OVCH1: variants seen among roughly 807,000 people sequenced by gnomAD.
OVCH1 encodes ovochymase 1.
OVCH1 carries 139 observed loss-of-function variants against 138.4 expected under a neutral mutation model. The observed-to-expected ratio is 1.00, with a 90% CI of 0.87 to 1.16. The LOEUF is 1.16. Among genes scored for constraint, OVCH1 ranks in the 50% most tolerant of loss-of-function variants. The pLI, the probability that OVCH1 is intolerant of heterozygous loss-of-function variation, is 0.00. For synonymous variants in OVCH1, 453 were observed against 467.8 expected (o/e 0.97, Z 0.41); for missense variants, 1,367 against 1,357.9 (o/e 1.01, Z -0.11).
chr12:29,449,223 T>C (rs1051395060), intron 22 of OVCH1, among the ~76,000 whole-genome samples: 1 of 149,774 alleles, frequency 6.7e-6, no homozygotes, highest in African/African-American at 2.5e-5. Flanking sequence ...CATTCTGGCA[T>C]GGTTCCACTA....
intron 22 of OVCH1, among the ~76,000 whole-genome samples, chr12:29,447,658 A>G (rs1390168372): frequency 6.6e-6 from 1 of 152,164 alleles, no homozygotes; most frequent in African/African-American, 2.4e-5. Context: ...AATGAAAGCC[A>G]ATGTAACAGA....
chr12:29,417,429 C>T (rs1941044865), intron 3 of OVCH1, among the ~76,000 whole-genome samples: 1 of 135,306 alleles, frequency 7.4e-6, no homozygotes, highest in Admixed American at 8.5e-5. Flanking sequence ...TGCCACTGCA[C>T]TCCAGCCTGG....
intron 25 of OVCH1, among the ~76,000 whole-genome samples, chr12:29,441,806 G>T (rs1481999914): frequency 6.6e-6 from 1 of 152,066 alleles, no homozygotes; most frequent in African/African-American, 2.4e-5. Flanking sequence ...CAAAAAATGG[G>T]CAAAGGACAT....
chr12:29,477,565 G>T, exon 10 of OVCH1: 1 of 1,613,788 alleles, frequency 6.2e-7, no homozygotes. Context: ...CGTCTTCCAT[G>T]AGAGATCTCT....
intron 22 of OVCH1, among the ~76,000 whole-genome samples, chr12:29,446,341 G>A (rs1032726622): frequency 6.6e-6 from 1 of 152,080 alleles, no homozygotes; most frequent in Admixed American, 6.6e-5. Flanking sequence ...ATACAATGGT[G>A]AAATACTATT....
intron 27 of OVCH1, among the ~76,000 whole-genome samples, chr12:29,431,572 A>G (rs900024662): frequency 9.6e-6 from 1 of 104,518 alleles, no homozygotes; most frequent in Non-Finnish European, 2.0e-5. Flanking sequence ...TTTTCCCCCT[A>G]TTTAATTTAT....
chr12:29,487,921 C>T, intron 6 of OVCH1, 39 bp from the exon 7 acceptor site: 1 of 1,548,962 alleles, frequency 6.5e-7, no homozygotes, highest in Middle Eastern at 1.7e-4. Context: ...TGAAAATAGC[C>T]ACAGTGTAAA....
At chr12:29,406,070 A>C in the OVCH1 span, among the ~76,000 whole-genome samples, 1 of 152,228 alleles carries the variant, frequency 6.6e-6, no homozygotes, top group African/African-American at 2.4e-5. Flanking sequence ...ATCATTAGAA[A>C]TTGGCTGATA....
intron 18 of OVCH1, 50 bp downstream of exon 18, chr12:29,464,457 T>A: frequency 6.3e-7 from 1 of 1,575,472 alleles, no homozygotes; most frequent in Non-Finnish European, 8.7e-7. Context: ...ATGACCTATT[T>A]TCAAAAATAA....
At chr12:29,485,317 TAAAA>T (rs869216306) in intron 8 of OVCH1, among the ~76,000 whole-genome samples, 4,449 of 89,790 alleles carry the variant, frequency 0.05, 96 homozygotes, top group Middle Eastern at 0.1. Context: ...ACCCAGTCTT[TAAAA>T]AAAAAAAAAA....
intron 16 of OVCH1, among the ~76,000 whole-genome samples, chr12:29,467,445 G>C (rs1942359494): frequency 6.6e-6 from 1 of 152,084 alleles, no homozygotes; most frequent in African/African-American, 2.4e-5. Context: ...TAGGAACATA[G>C]CTCAAGGTAT....
intron 7 of OVCH1, 188 bp downstream of exon 7, chr12:29,487,505 G>T (rs1943144742): frequency 2.0e-6 from 1 of 511,664 alleles, no homozygotes; most frequent in Non-Finnish European, 3.3e-6. Flanking sequence ...ACAGGGATTT[G>T]GTTTGTTCAA....
chr12:29,491,326 G>A, intron 4 of OVCH1, 134 bp from the exon 5 acceptor site: 3 of 734,618 alleles, frequency 4.1e-6, no homozygotes, highest in Middle Eastern at 3.0e-4. Flanking sequence ...TTTAAGTTTT[G>A]GCCCCTCCAT....
chr12:29,427,771 C>A, intron 27 of OVCH1: 1 of 1,306,630 alleles, frequency 7.7e-7, no homozygotes, highest in Non-Finnish European at 1.0e-6. Flanking sequence ...GGTCTATATT[C>A]ATTAGGTCCA....
At chr12:29,413,024 CT>C (rs35540929) in intron 3 of OVCH1, among the ~76,000 whole-genome samples, 83,095 of 140,836 alleles carry the variant, frequency 0.59, 24,206 homozygotes, top group Middle Eastern at 0.76. Context: ...CCAGCTAATT[CT>C]TTTTTTTTTT....
chr12:29,419,031 G>GT (rs1432311165), intron 3 of OVCH1, among the ~76,000 whole-genome samples: 1 of 151,584 alleles, frequency 6.6e-6, no homozygotes, highest in Non-Finnish European at 1.5e-5. Context: ...ATTTTTTTTA[G>GT]TTTTTTGTAG....
At chr12:29,417,760 AGTGTGTGTGTGTGTGTGTGTGT>A (rs55835508) in intron 3 of OVCH1, among the ~76,000 whole-genome samples, 6 of 149,686 alleles carry the variant, frequency 4.0e-5, no homozygotes, top group African/African-American at 1.2e-4. Context: ...CTGGCCTACA[AGTGTGTGTGTGTGTGTGTGTGT>A]GTGTGTGTGT....
chr12:29,471,014 C>A (rs1025950647), intron 16 of OVCH1, among the ~76,000 whole-genome samples: 1 of 151,978 alleles, frequency 6.6e-6, no homozygotes, highest in African/African-American at 2.4e-5. Context: ...ACATAAATGT[C>A]TTTTTTGAGA....
chr12:29,417,850 A>G (rs1157877617), intron 3 of OVCH1, among the ~76,000 whole-genome samples: 1 of 152,116 alleles, frequency 6.6e-6, no homozygotes, highest in Non-Finnish European at 1.5e-5. Flanking sequence ...GCCAAGATTA[A>G]GAAGCACTGT....
Sources: gnomAD v4.1 joint callset for allele counts (sites outside exome capture counted in the v4.1 genomes callset) on GRCh38, gnomAD v4.1.1 for gene constraint, MANE v1.5 for transcripts, NCBI Gene and HGNC (gene_info 2026-07-23, HGNC 2026-07-21) for gene names.